Variants in GREB1L observed in about 807,000 individuals in gnomAD.
GREB1L encodes the protein GREB1 like retinoic acid receptor coactivator.
A neutral mutation model predicts 200.8 loss-of-function variants in GREB1L; 17 were observed. The observed-to-expected ratio is 0.08, with a 90% confidence interval of 0.06 to 0.13. The LOEUF (loss-of-function observed/expected upper bound fraction) is 0.13, where lower values mean the gene tolerates loss of function less well. GREB1L is among the 10% of genes least tolerant of loss of function. GREB1L has a pLI of 1.00. For synonymous variants in GREB1L, 789 were observed against 893.0 expected, an observed-to-expected ratio of 0.88 and a Z score of 2.08; for missense variants, 1,657 against 2,367.7, an observed-to-expected ratio of 0.70 and a Z score of 6.23.
At chr18:21,462,002 C>T (rs897449007) in intron 15 of GREB1L, among the ~76,000 whole-genome samples, 2 of 152,162 alleles carry the variant, frequency 1.3e-5, no homozygotes, top group African/African-American at 4.8e-5. Flanking sequence ...TTAGGGAACA[C>T]GGTGACTCCC....
At chr18:21,441,010 T>C (rs1009160877) in intron 9 of GREB1L, among the ~76,000 whole-genome samples, 1 of 152,216 alleles carries the variant, frequency 6.6e-6, no homozygotes, top group Non-Finnish European at 1.5e-5. Flanking sequence ...TGCTTGTAGG[T>C]AGTACTGGTT....
chr18:21,314,424 G>A (rs1336133374), intron 1 of GREB1L, among the ~76,000 whole-genome samples: 1 of 152,104 alleles, frequency 6.6e-6, no homozygotes, highest in African/African-American at 2.4e-5. Flanking sequence ...TAAGCCCACA[G>A]CACCTGAAAC....
intron 1 of GREB1L, among the ~76,000 whole-genome samples, chr18:21,264,627 C>T (rs1025347294): frequency 6.6e-6 from 1 of 152,110 alleles, no homozygotes; most frequent in African/African-American, 2.4e-5. Flanking sequence ...GTTCAGGGGA[C>T]TAGTTCGAGG....
At chr18:21,460,238 G>A (rs1360844116) in intron 15 of GREB1L, among the ~76,000 whole-genome samples, 1 of 152,138 alleles carries the variant, frequency 6.6e-6, no homozygotes, top group East Asian at 1.9e-4. Context: ...ACAATGGCAT[G>A]ATCTCGGCTC....
intron 7 of GREB1L, among the ~76,000 whole-genome samples, chr18:21,434,531 GTA>G (rs1329487390): frequency 0.047 from 5,020 of 106,494 alleles, 189 homozygotes; most frequent in Admixed American, 0.058. Flanking sequence ...GTGTGTGTGT[GTA>G]TATATATGTG....
Position 21,441,639 on chromosome 18 carries a change from C to T in GREB1L, c.1207+102C>T, listed in dbSNP as rs2033908815. On this transcript the variant is annotated intron_variant, in intron 10 of 32. Coordinates refer to ENST00000424526, the MANE Select transcript of GREB1L (RefSeq NM_001142966.3). ...TGTATTCATGAAGATATTCATCCAT[C>T]TGTTGATTCTGTCAGCTTTTATTGG... 4.6e-6 allele frequency: 5 copies of T among 1,076,036 alleles called. No homozygotes were observed. The South Asian group carries it at 8.4e-5, about 18-fold the overall frequency. 66.7% of individuals were successfully genotyped at this position (1,076,036 alleles called of 1,614,324 possible).
At chr18:21,349,548 A>T (rs1022379818) in intron 1 of GREB1L, among the ~76,000 whole-genome samples, 1 of 152,066 alleles carries the variant, frequency 6.6e-6, no homozygotes, top group Non-Finnish European at 1.5e-5. Flanking sequence ...CCGGCACAAC[A>T]GGTTGTGAGC....
At chr18:21,276,750 TAAA>T (rs906616826) in intron 1 of GREB1L, among the ~76,000 whole-genome samples, 1 of 151,598 alleles carries the variant, frequency 6.6e-6, no homozygotes, top group Non-Finnish European at 1.5e-5. Flanking sequence ...GTCTTTCTAT[TAAA>T]AAAAGGAAGA....
At chr18:21,329,609 T>A (rs1313091777) in intron 1 of GREB1L, among the ~76,000 whole-genome samples, 2 of 152,146 alleles carry the variant, frequency 1.3e-5, no homozygotes, top group Non-Finnish European at 2.9e-5. Flanking sequence ...GCACCTGGCT[T>A]TGAGCAGCAT....
At position 21,451,094 on chromosome 18, in the gene GREB1L, G is replaced by A; in HGVS notation, c.1792G>A (p.Glu598Lys). The A allele has an allele frequency of 6.4e-7, 1 of 1,551,720 alleles. No homozygotes were observed. Among genetic ancestry groups the A allele is most frequent in the South Asian group, 1.2e-5 (1 of 84,042 alleles). Reference protein sequence around the residue: ...TSEFLKEISYELITGKVSFLA... With the variant: ...TSEFLKEISYKLITGKVSFLA... ...TGAGTTTTTGAAAGAAATTAGTTAT[G>A]AGCTTATCACAGGAAAGGTCAGTTT... The change falls in exon 13 of 33, where the codon GAG (glutamate) becomes AAG (lysine). Residue 598 changes from glutamate to lysine, a missense_variant. Glu to Lys is a moderately conservative substitution (Grantham distance 56, BLOSUM62 1). Coordinates refer to ENST00000424526, the MANE Select transcript of GREB1L (RefSeq NM_001142966.3).
At chr18:21,518,564 C>T (rs1043682474) in intron 31 of GREB1L, among the ~76,000 whole-genome samples, 1 of 152,202 alleles carries the variant, frequency 6.6e-6, no homozygotes, top group East Asian at 1.9e-4. Context: ...GCAGCAGTTG[C>T]TTGTTCCCAC....
rs145276169 is a variant in GREB1L, at chr18:21,433,506, G to A, written c.833-6015G>A. ...TTAACTCGGATTCTTGTCCTGTAAG[G>A]CTCTGTTAAGACATGAAAAACTGGG... On this transcript the variant is annotated intron_variant, in intron 7 of 32. Coordinates refer to ENST00000424526, the MANE Select transcript of GREB1L (RefSeq NM_001142966.3). Among the ~76,000 whole-genome samples, 31 of 152,258 alleles carry A rather than the reference G, an allele frequency of 2.0e-4. No homozygotes were observed. The Middle Eastern group carries it at 0.01, about 50-fold the overall frequency.
At chr18:21,395,305 TC>T in intron 4 of GREB1L, 79 bp from the exon 5 acceptor site, 2 of 1,112,448 alleles carry the variant, frequency 1.8e-6, no homozygotes, top group South Asian at 2.8e-5. Flanking sequence ...CAAAAATAAA[TC>T]TACTCTCCAA....
intron 1 of GREB1L, among the ~76,000 whole-genome samples, chr18:21,336,160 G>GT (rs1156609505): frequency 6.6e-6 from 1 of 152,046 alleles, no homozygotes; most frequent in East Asian, 1.9e-4. Flanking sequence ...ACTGGAAACT[G>GT]TAATAGCCAA....
At chr18:21,478,384 A>AT (rs1005965211) in intron 17 of GREB1L, among the ~76,000 whole-genome samples, 1 of 152,272 alleles carries the variant, frequency 6.6e-6, no homozygotes, top group African/African-American at 2.4e-5. Context: ...AATAATAAAA[A>AT]TTAGCCATTA....
At chr18:21,352,835 T>C in intron 1 of GREB1L, among the ~76,000 whole-genome samples, 1 of 152,302 alleles carries the variant, frequency 6.6e-6, no homozygotes, top group East Asian at 1.9e-4. Context: ...CATAATGTGA[T>C]TATATCACTG....
rs1300488047 is a variant in GREB1L at position 21,286,002 on chromosome 18, T to C, written c.-120+43609T>C. On this transcript the variant is annotated intron_variant, in intron 1 of 32. Coordinates refer to ENST00000424526, the MANE Select transcript of GREB1L (RefSeq NM_001142966.3). ...AAATGGTCTGTGATGAAGACCAGTTTATTTTCTTTTGAACTTGGAATAGGA... is the reference window on the plus strand; with the variant it reads ...AAATGGTCTGTGATGAAGACCAGTTCATTTTCTTTTGAACTTGGAATAGGA... 2.6e-5 allele frequency among the ~76,000 whole-genome samples: 4 copies of C among 152,350 alleles called. No homozygotes were observed. In the East Asian group the frequency reaches 5.8e-4, roughly 22 times the overall value.
At chr18:21,497,625 C>A (rs1332523506) in intron 21 of GREB1L, among the ~76,000 whole-genome samples, 2 of 145,906 alleles carry the variant, frequency 1.4e-5, no homozygotes, top group African/African-American at 2.6e-5. Context: ...TTCTGGGTGA[C>A]AAGAGGAAAA....
chr18:21,515,819 G>A (rs893571650), intron 29 of GREB1L, among the ~76,000 whole-genome samples, 175 bp downstream of exon 29: 2 of 152,216 alleles, frequency 1.3e-5, no homozygotes, highest in African/African-American at 4.8e-5. Context: ...TCAGCAAACT[G>A]ACCTAGACCT....
Sources: allele counts gnomAD v4.1 joint callset (sites outside exome capture counted in the v4.1 genomes callset), GRCh38; gene constraint gnomAD v4.1.1; transcripts MANE v1.5; gene names NCBI Gene and HGNC (gene_info 2026-07-23, HGNC 2026-07-21).